ABCA1: variants seen among roughly 807,000 people sequenced by gnomAD.
ABCA1 encodes the protein phospholipid-transporting ATPase ABCA1.
Under a neutral mutation model 262.5 loss-of-function variants are expected in ABCA1, and 133 were observed. That is an observed-to-expected ratio of 0.51 (90% confidence interval 0.44 to 0.59). The LOEUF is 0.59. Ranked by LOEUF, ABCA1 falls within the 20% of genes least tolerant of loss-of-function variation. The pLI, the probability that ABCA1 is intolerant of heterozygous loss-of-function variation, is 0.00. For missense variants in ABCA1, 2,452 were observed against 2,777.5 expected (o/e 0.88, Z 2.63); for synonymous variants, 1,022 against 1,043.5 (o/e 0.98, Z 0.40).
chr9:104,845,305 C>T (rs1316907086), intron 8 of ABCA1, among the ~76,000 whole-genome samples, 172 bp downstream of exon 8: 1 of 152,226 alleles, frequency 6.6e-6, no homozygotes, highest in Non-Finnish European at 1.5e-5. Flanking sequence ...TAGGTTTCTT[C>T]ATTTCTAAAA....
rs1436659710 is a variant in ABCA1 at position 104,785,487 on chromosome 9, G to A, written c.6554C>T (p.Ser2185Phe). 3.7e-6 allele frequency: 6 copies of A among 1,611,188 alleles called. No homozygotes were observed. The highest frequency in any genetic ancestry group is 2.7e-5 in the African/African-American group (2 of 74,766). ...MLQYQLPSSL[S>F]SLARIFSILS... ...GATGCTGAATATCCTGGCCAGAGAA[G>A]ATAATGAAGATGGAAGCTGGTATTG... Residue 2185 changes from serine to phenylalanine, a missense_variant, in exon 49 of 50, where the codon TCT (serine) becomes TTT (phenylalanine). Transcript: ENST00000374736.
chr9:104,879,951 T>C (rs1838483265), intron 5 of ABCA1, among the ~76,000 whole-genome samples: 1 of 152,178 alleles, frequency 6.6e-6, no homozygotes, highest in Non-Finnish European at 1.5e-5. Context: ...TCATGGACTT[T>C]GGGAAAACAG....
chr9:104,859,884 G>A (rs1029325301), intron 6 of ABCA1, among the ~76,000 whole-genome samples: 15 of 151,964 alleles, frequency 9.9e-5, no homozygotes, highest in Middle Eastern at 3.4e-3. Flanking sequence ...GTGAAACCCC[G>A]TCTCTACTAA....
intron 2 of ABCA1, among the ~76,000 whole-genome samples, chr9:104,893,477 G>A (rs1241989729): frequency 2.2e-5 from 3 of 137,040 alleles, no homozygotes; most frequent in Admixed American, 2.2e-4. Context: ...AATGAAATTA[G>A]GGGAAAAAAA....
At chr9:104,886,424 C>T (rs1296149912) in intron 3 of ABCA1, among the ~76,000 whole-genome samples, 1 of 152,218 alleles carries the variant, frequency 6.6e-6, no homozygotes, top group Non-Finnish European at 1.5e-5. Context: ...TCTGCAGGGA[C>T]TCTGGCCTAT....
At chr9:104,847,537 G>A (rs1835000313) in intron 7 of ABCA1, among the ~76,000 whole-genome samples, 1 of 152,092 alleles carries the variant, frequency 6.6e-6, no homozygotes, top group Non-Finnish European at 1.5e-5. Context: ...CTGCAAACAG[G>A]GTTTTCAACT....
chr9:104,925,868 A>C (rs1229190566), intron 1 of ABCA1, among the ~76,000 whole-genome samples: 2 of 152,168 alleles, frequency 1.3e-5, no homozygotes, highest in Non-Finnish European at 2.9e-5. Context: ...ACAGAAACGG[A>C]AAGTTTCTCA....
intron 2 of ABCA1, among the ~76,000 whole-genome samples, chr9:104,898,618 C>T (rs1443985025): frequency 6.6e-6 from 1 of 151,616 alleles, no homozygotes; most frequent in Non-Finnish European, 1.5e-5. Context: ...ATTCTCCTTC[C>T]CCAGGAGAAT....
At chr9:104,877,538 C>T (rs911901383) in intron 5 of ABCA1, among the ~76,000 whole-genome samples, 1 of 152,244 alleles carries the variant, frequency 6.6e-6, no homozygotes, top group Non-Finnish European at 1.5e-5. Context: ...GTTCCAATTT[C>T]AAGGCAAAGA....
In ABCA1 at chr9:104,794,308, C is replaced by T. The variant is rs895699985; in HGVS notation, c.5506+79G>A. 3.2e-5 allele frequency: 51 copies of T among 1,607,432 alleles called. 1 individual carries two copies. Among genetic ancestry groups the T allele is most frequent in the Admixed American group, 5.0e-5 (3 of 59,948 alleles). ...CTGTGCTTAGTCACCTGCTTCTTTC[C>T]AAAACAAAGTTCAGGGTACCAAGGC... On this transcript the variant is annotated intron_variant, in intron 40 of 49. Transcript: ENST00000374736.
chr9:104,924,128 A>C (rs1456181686), intron 1 of ABCA1, among the ~76,000 whole-genome samples: 2 of 152,224 alleles, frequency 1.3e-5, no homozygotes, highest in Admixed American at 1.3e-4. Context: ...TCAACACTGC[A>C]ATAACTTTGG....
At chr9:104,797,062 A>C (rs1051207558) in intron 37 of ABCA1, among the ~76,000 whole-genome samples, 2 of 152,230 alleles carry the variant, frequency 1.3e-5, no homozygotes, top group African/African-American at 4.8e-5. Flanking sequence ...GCTCTGCCTC[A>C]GTCCAATCCT....
In ABCA1 at chr9:104,788,002, T is replaced by C; in HGVS notation, c.6122A>G (p.Tyr2041Cys). The C allele has an allele frequency of 6.2e-7, 1 of 1,614,234 alleles. No individual in the cohort carries two copies. Among genetic ancestry groups the C allele is most frequent in the South Asian group, 1.1e-5 (1 of 91,082 alleles). The change falls in exon 46 of 50, where the codon TAT (tyrosine) becomes TGT (cysteine). Residue 2041 changes from tyrosine (Y) to cysteine (C), a missense_variant. By Grantham distance (194) the Tyr-to-Cys change is radical. Transcript: ENST00000374736. ...KLGLVKYGEK[Y>C]AGNYSGGNKR... ...GTTGCCTCCACTATAGTTACCAGCA[T>C]ATTTTTCTCCATACTTCACGAGGCC... is the stretch of plus-strand genomic sequence containing the variant.
At chr9:104,792,745 A>T in intron 42 of ABCA1, 41 bp downstream of exon 42, 1 of 1,613,900 alleles carries the variant, frequency 6.2e-7, no homozygotes, top group Non-Finnish European at 8.5e-7. Context: ...ATAAAGCTGA[A>T]AAAAACTGAA....
At chr9:104,914,036 T>C (rs367891207) in intron 1 of ABCA1, among the ~76,000 whole-genome samples, 531 of 151,682 alleles carry the variant, frequency 3.5e-3, no homozygotes, top group Non-Finnish European at 5.8e-3. Flanking sequence ...CCTGACCTCG[T>C]GATCCACCCG....
At chr9:104,910,685 A>G (rs1841441467) in intron 1 of ABCA1, among the ~76,000 whole-genome samples, 1 of 152,164 alleles carries the variant, frequency 6.6e-6, no homozygotes, top group Non-Finnish European at 1.5e-5. Context: ...AACAACAGCT[A>G]TCAATATCTC....
At chr9:104,845,080 A>G (rs1834741528) in intron 8 of ABCA1, among the ~76,000 whole-genome samples, 1 of 152,228 alleles carries the variant, frequency 6.6e-6, no homozygotes. Flanking sequence ...GTTAGCAAGC[A>G]TGTGTGTTGG....
At chr9:104,792,603 C>A (rs1829522248) in intron 42 of ABCA1, among the ~76,000 whole-genome samples, 183 bp downstream of exon 42, 1 of 152,128 alleles carries the variant, frequency 6.6e-6, no homozygotes, top group Non-Finnish European at 1.5e-5. Flanking sequence ...CAAAAGAATT[C>A]TCAGTAAGAA....
chr9:104,802,664 CAGTAACA>C (rs1425246137), intron 33 of ABCA1, among the ~76,000 whole-genome samples: 1 of 152,218 alleles, frequency 6.6e-6, no homozygotes, highest in African/African-American at 2.4e-5. Flanking sequence ...AGACGGAAAT[CAGTAACA>C]AGGAGCCTTC....
Sources: allele counts gnomAD v4.1 joint callset (sites outside exome capture counted in the v4.1 genomes callset), GRCh38; gene constraint gnomAD v4.1.1; transcripts MANE v1.5; gene names NCBI Gene and HGNC (gene_info 2026-07-23, HGNC 2026-07-21).